AKAP17A: variants seen among roughly 807,000 people sequenced by gnomAD.
AKAP17A encodes A-kinase anchor protein 17A.
Under a neutral mutation model 52.2 loss-of-function variants are expected in AKAP17A, and 15 were observed. The observed-to-expected ratio is 0.29, with a 90% CI of 0.19 to 0.44. AKAP17A has a LOEUF of 0.44. Ranked by LOEUF, AKAP17A falls within the 20% of genes least tolerant of loss-of-function variation. The pLI is 1.00. For missense variants in AKAP17A, 1,060 were observed against 1,007.0 expected, an observed-to-expected ratio of 1.05 and a Z score of -0.71; for synonymous variants, 514 against 424.7, an observed-to-expected ratio of 1.21 and a Z score of -2.58.
Position 1,601,802 on chromosome X carries a change from C to G in AKAP17A, c.*208C>G. ...ACTCACCGCAGCGTACTTGGCACTT[C>G]AGTTTCAAACACGTAGTCCTTTAAA... On this transcript the variant is annotated 3_prime_UTR_variant, in exon 5 of 5. Coordinates refer to ENST00000313871, the MANE Select transcript of AKAP17A (RefSeq NM_005088.3). The G allele has an allele frequency of 2.3e-6, 1 of 432,286 alleles. No individual in the cohort carries two copies. Among genetic ancestry groups the G allele is most frequent in the Non-Finnish European group, 4.0e-6 (1 of 252,122 alleles). The allele number at this position is 432,286 out of a possible 1,614,324, so 26.8% of individuals were successfully genotyped here.
chrX:1,595,557 C>T (rs1932934916), intron 3 of AKAP17A, 25 bp downstream of exon 3: 21 of 1,612,744 alleles, frequency 1.3e-5, no homozygotes, highest in South Asian at 5.5e-5. Flanking sequence ...AGCGGGCCCT[C>T]GGCGCTGGTG....
chrX:1,598,210 G>C (rs1393719061), intron 3 of AKAP17A, among the ~76,000 whole-genome samples: 1 of 148,658 alleles, frequency 6.7e-6, no homozygotes, highest in Non-Finnish European at 1.5e-5. Context: ...TCACAGGGCG[G>C]TTAAACCTTC....
chrX:1,601,192 C>G lies in AKAP17A; in HGVS notation c.1686C>G (p.Ala562=). ...ACCAACAGCCCAAGGGCATCCCTGC[C>G]TGCGAGCAGAATGTCTCCAGAAAGG... The part of the protein sequence containing the change: ...DNNQQPKGIP[A]CEQNVSRKDT... Residue 562 remains alanine (A), a synonymous_variant, in exon 5 of 5, where the codon GCC becomes GCG. Coordinates refer to ENST00000313871, the MANE Select transcript of AKAP17A (RefSeq NM_005088.3). The G allele has an allele frequency of 6.2e-7, 1 of 1,613,936 alleles. No individual in the cohort carries two copies. Among genetic ancestry groups the G allele is most frequent in the Non-Finnish European group, 8.5e-7 (1 of 1,179,818 alleles).
chrX:1,594,706 C>T (rs149179828), intron 2 of AKAP17A, among the ~76,000 whole-genome samples: 1 of 151,956 alleles, frequency 6.6e-6, no homozygotes, highest in Non-Finnish European at 1.5e-5. Context: ...GCATCCTCCG[C>T]CTCCTGGGTT....
At position 1,600,888 on chromosome X, in the gene AKAP17A, C is replaced by G. The variant is rs1381501406; in HGVS notation, c.1382C>G (p.Ala461Gly). 6.3e-7 allele frequency: 1 copy of G among 1,578,914 alleles called. No homozygotes were observed. The highest frequency in any genetic ancestry group is 1.3e-5 in the African/African-American group (1 of 74,450). The stretch of plus-strand genomic sequence containing the variant: ...CACGACGAGCTGGGCGTGGCACACG[C>G]CGACCTGCTGCAGCCCGTCCTGGAC... ...HTHDELGVAH[A>G]DLLQPVLDIL... The change falls in exon 5 of 5, where the codon GCC (alanine) becomes GGC (glycine). Residue 461 changes from alanine (A) to glycine (G), a missense_variant. Ala to Gly is a moderately conservative substitution (Grantham distance 60). This residue lies in a region of AKAP17A where 793 missense variants were observed against 629.9 expected (regional missense o/e 1.26). Coordinates refer to ENST00000313871, the MANE Select transcript of AKAP17A (RefSeq NM_005088.3).
intron 3 of AKAP17A, 112 bp downstream of exon 3, chrX:1,595,644 G>A: frequency 4.0e-6 from 6 of 1,483,002 alleles, no homozygotes; most frequent in Non-Finnish European, 5.6e-6. Context: ...GTGCATGCAT[G>A]CTTGTGAGCT....
Position 1,593,473 on chromosome X carries a change from C to T in AKAP17A, c.11C>T (p.Ala4Val), listed in dbSNP as rs1301419746. The T allele has an allele frequency of 6.2e-7, 1 of 1,612,366 alleles. No homozygotes were observed. The highest frequency in any genetic ancestry group is 8.5e-7 in the Non-Finnish European group (1 of 1,178,888). MAA[A>V]TIVHDTSEAV... ...AAGGTCCCGGAGGCTATGGCAGCGG[C>T]TACCATCGTGCACGACACGTCTGAG... Residue 4 changes from alanine (A) to valine (V), a missense_variant, in exon 2 of 5, where the codon GCT becomes GTT. By Grantham distance (64) the Ala-to-Val change is moderately conservative. This residue lies in a region of AKAP17A where 267 missense variants were observed against 377.1 expected (regional missense o/e 0.71). Transcript: ENST00000313871.
intron 4 of AKAP17A, chrX:1,600,217 G>C: frequency 2.3e-6 from 3 of 1,315,932 alleles, no homozygotes; most frequent in Non-Finnish European, 3.0e-6. Context: ...GGTGAATATT[G>C]AAGACACTAA....
At position 1,602,138 on chromosome X, in the gene AKAP17A, C is replaced by G. The variant is rs1467948510; in HGVS notation, c.*544C>G. On this transcript the variant is annotated 3_prime_UTR_variant, in exon 5 of 5. Coordinates refer to ENST00000313871, the MANE Select transcript of AKAP17A (RefSeq NM_005088.3). ...AGTCACGGATGAGGAAGGTACAAGT[C>G]CTTTAAGATCAAAACTCAAACGGGC... The G allele has an allele frequency of 2.0e-5, 3 of 153,324 alleles. No homozygotes were observed. Among genetic ancestry groups the G allele is most frequent in the Non-Finnish European group, 1.4e-5 (1 of 68,988 alleles). 9.5% of individuals were successfully genotyped at this position (153,324 alleles called of 1,614,324 possible).
At chrX:1,591,939 A>G (rs7877517) in intron 1 of AKAP17A, among the ~76,000 whole-genome samples, 170 bp downstream of exon 1, 9,481 of 132,330 alleles carry the variant, frequency 0.072, 692 homozygotes, top group African/African-American at 0.19. Context: ...GAGCGCCTGA[A>G]ACTGTACGGG....
In AKAP17A at chrX:1,595,520, G is replaced by A. The variant is rs751058421; in HGVS notation, c.899G>A (p.Arg300Gln). ...RREKEAEERQ[R>Q]AEERKQKELE... is the part of the protein sequence containing the mutation. ...GAGAAGGAAGCGGAGGAGAGGCAGCGAGCGGAGGAAAGGTACCTTCTGCGG... is the reference window on the plus strand; with the variant it reads ...GAGAAGGAAGCGGAGGAGAGGCAGCAAGCGGAGGAAAGGTACCTTCTGCGG... The change falls in exon 3 of 5, where the codon CGA (arginine) becomes CAA (glutamine). Residue 300 changes from arginine (R) to glutamine (Q), a missense_variant. This residue lies in a region of AKAP17A where 793 missense variants were observed against 629.9 expected (regional missense o/e 1.26). Coordinates refer to ENST00000313871, the MANE Select transcript of AKAP17A (RefSeq NM_005088.3). 83 of 1,613,894 alleles carry A rather than the reference G, an allele frequency of 5.1e-5. 2 individuals are homozygous for A. The South Asian group carries it at 8.1e-4, about 16-fold the overall frequency.
At position 1,601,052 on chromosome X, in the gene AKAP17A, G is replaced by T. The variant is rs140581976; in HGVS notation, c.1546G>T (p.Val516Leu). ...CGCTCCCAAAAGCGTGAACGGGAGC[G>T]TGGCCGAGGAGGCCCCATGCAAGGA... Reference protein sequence around the residue: ...DGAPKSVNGSVAEEAPCKEVQ... With the variant: ...DGAPKSVNGSLAEEAPCKEVQ... The change falls in exon 5 of 5, where the codon GTG becomes TTG. Residue 516 changes from valine (V) to leucine (L), a missense_variant. By Grantham distance (32) the Val-to-Leu change is conservative. Transcript: ENST00000313871. The T allele has an allele frequency of 1.2e-6, 2 of 1,613,182 alleles. No individual in the cohort carries two copies. Among genetic ancestry groups the T allele is most frequent in the Non-Finnish European group, 1.7e-6 (2 of 1,179,694 alleles).
chrX:1,595,879 C>T (rs1932952762), intron 3 of AKAP17A, among the ~76,000 whole-genome samples: 1 of 151,802 alleles, frequency 6.6e-6, no homozygotes, highest in Non-Finnish European at 1.5e-5. Context: ...TGCCTGTGTG[C>T]ATGCGTGTGT....
chrX:1,599,173 C>T lies in AKAP17A; in HGVS notation c.912-19C>T. The T allele has an allele frequency of 6.2e-7, 1 of 1,609,940 alleles. No individual in the cohort carries two copies. Among genetic ancestry groups the T allele is most frequent in the Middle Eastern group, 2.2e-4 (1 of 4,524 alleles). ...GGCTGCGGCGCTCTCTGTGACCACCCCCGGTGTGTTCCACACAGGAAACAA... is the reference window on the plus strand; with the variant it reads ...GGCTGCGGCGCTCTCTGTGACCACCTCCGGTGTGTTCCACACAGGAAACAA... On this transcript the variant is annotated intron_variant, in intron 3 of 4. Coordinates refer to ENST00000313871, the MANE Select transcript of AKAP17A (RefSeq NM_005088.3).
rs147378488 is a variant in AKAP17A, at chrX:1,601,027, C to T, written c.1521C>T (p.Gly507=). 4.8e-5 allele frequency: 77 copies of T among 1,611,454 alleles called. No individual in the cohort carries two copies. The highest frequency in any genetic ancestry group is 1.5e-4 in the African/African-American group (11 of 74,996). Reference sequence around the variant, plus strand: ...GCCCGGCCCACCCAGAGGCCGACGGCGCTCCCAAAAGCGTGAACGGGAGCG... The same window carrying T: ...GCCCGGCCCACCCAGAGGCCGACGGTGCTCCCAAAAGCGTGAACGGGAGCG... ...KESPAHPEAD[G]APKSVNGSVA... is the part of the protein sequence containing the mutation. The change falls in exon 5 of 5, where the codon GGC becomes GGT. Residue 507 remains glycine, a synonymous_variant. Transcript: ENST00000313871.
rs1933313026 is a variant in AKAP17A at position 1,600,700 on chromosome X, G to A, written c.1194G>A (p.Leu398=). 3.2e-6 allele frequency: 5 copies of A among 1,545,960 alleles called. No individual in the cohort carries two copies. In the African/African-American group the frequency reaches 4.1e-5, roughly 13 times the overall value. The change falls in exon 5 of 5, where the codon CTG becomes CTA. Residue 398 remains leucine (L), a synonymous_variant. Transcript: ENST00000313871. ...LREQEQKEEK[L]RLQQQEERRR... ...AACAGGAGCAGAAGGAGGAGAAGCT[G>A]AGGCTCCAGCAGCAGGAGGAGCGGC...
At position 1,599,594 on chromosome X, in the gene AKAP17A, T is replaced by G. The variant is rs1252591933; in HGVS notation, c.1152+162T>G. The G allele has an allele frequency of 1.6e-5, 16 of 1,001,080 alleles. No individual in the cohort carries two copies. In the Admixed American group the frequency reaches 3.3e-4, roughly 20 times the overall value. The allele number at this position is 1,001,080 out of a possible 1,614,324, so 62.0% of individuals were successfully genotyped here. A position where few individuals can be genotyped will look rare whatever the true frequency, so the allele number is the denominator to read the frequency against. On this transcript the variant is annotated intron_variant, in intron 4 of 4. Coordinates refer to ENST00000313871, the MANE Select transcript of AKAP17A (RefSeq NM_005088.3). ...GGATGACGGCTCCTTCCCGGGAGGGTGTAGCGCTCGTCTGTCGTTCCCGAT... is the reference window on the plus strand; with the variant it reads ...GGATGACGGCTCCTTCCCGGGAGGGGGTAGCGCTCGTCTGTCGTTCCCGAT...
Position 1,601,221 on chromosome X carries a change from C to G in AKAP17A, c.1715C>G (p.Thr572Ser), listed in dbSNP as rs140073857. The change falls in exon 5 of 5, where the codon ACC becomes AGC. Residue 572 changes from threonine (T) to serine (S), a missense_variant. Physicochemically the swap from Thr to Ser is moderately conservative, Grantham distance 58. This residue lies in a region of AKAP17A where 793 missense variants were observed against 629.9 expected (regional missense o/e 1.26). Transcript: ENST00000313871. ...ACEQNVSRKDTRSEQDKCNRE... is the reference protein window; with the variant it reads ...ACEQNVSRKDSRSEQDKCNRE... Reference sequence around the variant, plus strand: ...GAGCAGAATGTCTCCAGAAAGGACACCCGGTCAGAACAGGACAAGTGCAAC... The same window carrying G: ...GAGCAGAATGTCTCCAGAAAGGACAGCCGGTCAGAACAGGACAAGTGCAAC... 6.2e-7 allele frequency: 1 copy of G among 1,613,914 alleles called. No individual in the cohort carries two copies. Among genetic ancestry groups the G allele is most frequent in the Non-Finnish European group, 8.5e-7 (1 of 1,179,822 alleles).
Position 1,595,277 on chromosome X carries a change from G to C in AKAP17A, c.763-107G>C, listed in dbSNP as rs1417996986. 7 of 1,475,748 alleles carry C rather than the reference G, an allele frequency of 4.7e-6. No individual in the cohort carries two copies. The South Asian group carries it at 8.9e-5, about 19-fold the overall frequency. 91.4% of individuals were successfully genotyped at this position (1,475,748 alleles called of 1,614,324 possible). On this transcript the variant is annotated intron_variant, in intron 2 of 4. Transcript: ENST00000313871. ...GGTGAGCGGTGAGCGGTGAGCGGGC[G>C]CTCAGGCTCTGAGGCCACTCGGCCC... is the stretch of plus-strand genomic sequence containing the variant.
Sources: allele counts gnomAD v4.1 joint callset (sites outside exome capture counted in the v4.1 genomes callset), GRCh38; gene constraint gnomAD v4.1.1; regional missense constraint gnomAD v4.1.1; transcripts MANE v1.5; gene names NCBI Gene and HGNC (gene_info 2026-07-23, HGNC 2026-07-21).